The following ZFHX4 variants were observed in gnomAD, a reference collection of about 807,000 sequenced individuals.
The protein encoded by ZFHX4 is zinc finger homeobox protein 4.
Under a neutral mutation model 267.6 loss-of-function variants are expected in ZFHX4, and 56 were observed. The observed-to-expected ratio is 0.21, with a 90% CI of 0.17 to 0.26. The LOEUF (loss-of-function observed/expected upper bound fraction) is 0.26. ZFHX4 is among the 10% of genes least tolerant of loss of function. The pLI is 1.00. For synonymous variants in ZFHX4, 1,778 were observed against 1,665.6 expected (o/e 1.07, Z -1.64); for missense variants, 4,332 against 4,420.0 (o/e 0.98, Z 0.56).
chr8:76,787,672 G>A (rs967455435), intron 4 of ZFHX4, among the ~76,000 whole-genome samples: 1 of 150,918 alleles, frequency 6.6e-6, no homozygotes, highest in African/African-American at 2.4e-5. Context: ...AATTAGCCGG[G>A]CATGGTGGCG....
rs748905989 is a variant in ZFHX4, at chr8:76,705,598, A to C, written c.1510A>C (p.Asn504His). The C allele has an allele frequency of 6.2e-7, 1 of 1,613,828 alleles. No homozygotes were observed. Among genetic ancestry groups the C allele is most frequent in the Non-Finnish European group, 8.5e-7 (1 of 1,179,790 alleles). The change falls in exon 2 of 11, where the codon AAC (asparagine) becomes CAC (histidine). Residue 504 changes from asparagine (N) to histidine (H), a missense_variant. Around this residue, in one of 7 missense-constraint regions of ZFHX4, gnomAD observed 1,195 missense variants for 1,173.6 expected, o/e 1.02. Transcript: ENST00000651372. The stretch of plus-strand genomic sequence containing the variant: ...TGGTAACAAAGATTTCCCTCTCTTA[A>C]ACCAAAGCATTTCTCCTTTATCATC... ...SIGNKDFPLL[N>H]QSISPLSSSV...
chr8:76,736,456 TA>T (rs1809163440), intron 3 of ZFHX4, among the ~76,000 whole-genome samples: 1 of 152,178 alleles, frequency 6.6e-6, no homozygotes, highest in South Asian at 2.1e-4. Flanking sequence ...AGAAAACATT[TA>T]TTATGGTGAA....
chr8:76,805,561 A>G (rs1285061970), intron 4 of ZFHX4, among the ~76,000 whole-genome samples: 2 of 149,160 alleles, frequency 1.3e-5, no homozygotes, highest in Non-Finnish European at 3.0e-5. Flanking sequence ...AATACTTGGC[A>G]TTTGTCCTTG....
intron 4 of ZFHX4, among the ~76,000 whole-genome samples, chr8:76,784,982 G>C (rs1585942159): frequency 6.6e-6 from 1 of 151,904 alleles, no homozygotes; most frequent in Non-Finnish European, 1.5e-5. Context: ...ATATTAATTA[G>C]ATCTCTTCAT....
chr8:76,788,476 C>G (rs1411226446), intron 4 of ZFHX4, among the ~76,000 whole-genome samples: 1 of 152,192 alleles, frequency 6.6e-6, no homozygotes, highest in Non-Finnish European at 1.5e-5. Context: ...TCTTGGCTCT[C>G]AGTCCAGATT....
chr8:76,783,445 A>C (rs948710244), intron 4 of ZFHX4, among the ~76,000 whole-genome samples: 1 of 152,050 alleles, frequency 6.6e-6, no homozygotes, highest in Non-Finnish European at 1.5e-5. Context: ...TTGAACATAC[A>C]CTTTTGAAGA....
At chr8:76,703,163 T>C (rs559052040) in intron 1 of ZFHX4, among the ~76,000 whole-genome samples, 7 of 152,236 alleles carry the variant, frequency 4.6e-5, no homozygotes, top group South Asian at 2.1e-4. Context: ...AGGATTTTCA[T>C]TGGGAGTGCT....
At chr8:76,689,291 G>A (rs1451507139) in intron 1 of ZFHX4, among the ~76,000 whole-genome samples, 6 of 152,068 alleles carry the variant, frequency 3.9e-5, no homozygotes, top group Non-Finnish European at 5.9e-5. Flanking sequence ...TGTTGTAACT[G>A]GCAGTTTTCC....
chr8:76,708,170 G>A, intron 3 of ZFHX4, 122 bp downstream of exon 3: 3 of 1,218,724 alleles, frequency 2.5e-6, no homozygotes, highest in East Asian at 2.4e-5. Context: ...AAGGGCAGGG[G>A]GCACAGTTTC....
Position 76,707,645 on chromosome 8 carries a change from G to C in ZFHX4, c.2690G>C (p.Ser897Thr). The C allele has an allele frequency of 6.2e-7, 1 of 1,613,848 alleles. No individual in the cohort carries two copies. The highest frequency in any genetic ancestry group is 8.5e-7 in the Non-Finnish European group (1 of 1,179,892). Residue 897 changes from serine (S) to threonine (T), a missense_variant, in exon 3 of 11, where the codon AGT becomes ACT. Transcript: ENST00000651372. ...GCAGGAGAGCTGTCACCTTATATCA[G>C]TGACCCAGCGCTGAAGCTATTCCAG... ...LTAGELSPYI[S>T]DPALKLFQCA...
At chr8:76,818,568 A>G (rs1474648618) in intron 4 of ZFHX4, among the ~76,000 whole-genome samples, 1 of 152,076 alleles carries the variant, frequency 6.6e-6, no homozygotes, top group African/African-American at 2.4e-5. Context: ...CAGTCAACAT[A>G]CTGGGAGGCT....
chr8:76,792,669 T>G (rs1010828188), intron 4 of ZFHX4, among the ~76,000 whole-genome samples: 1 of 152,190 alleles, frequency 6.6e-6, no homozygotes, highest in Non-Finnish European at 1.5e-5. Flanking sequence ...CTGATGCAGA[T>G]TTCTTCTTCA....
At chr8:76,828,358 G>A (rs755883472) in intron 4 of ZFHX4, among the ~76,000 whole-genome samples, 5 of 152,080 alleles carry the variant, frequency 3.3e-5, no homozygotes, top group Admixed American at 1.3e-4. Flanking sequence ...CTGTCCAGCG[G>A]GGAGGTACAG....
At chr8:76,859,568 T>C (rs1442641453) in intron 10 of ZFHX4, among the ~76,000 whole-genome samples, 1 of 152,154 alleles carries the variant, frequency 6.6e-6, no homozygotes, top group Non-Finnish European at 1.5e-5. Flanking sequence ...TTATTTACTT[T>C]ATCATTTTAA....
At chr8:76,819,687 A>G (rs190533090) in intron 4 of ZFHX4, among the ~76,000 whole-genome samples, 1 of 152,234 alleles carries the variant, frequency 6.6e-6, no homozygotes, top group African/African-American at 2.4e-5. Context: ...GTATTGTGCA[A>G]CCGTTTCACG....
intron 4 of ZFHX4, among the ~76,000 whole-genome samples, chr8:76,780,705 C>G (rs1420367394): frequency 6.6e-6 from 1 of 152,014 alleles, no homozygotes; most frequent in Non-Finnish European, 1.5e-5. Flanking sequence ...ATGAGTTTAA[C>G]AAATACATTT....
chr8:76,781,457 A>T (rs149338505), intron 4 of ZFHX4, among the ~76,000 whole-genome samples: 1 of 152,102 alleles, frequency 6.6e-6, no homozygotes, highest in Non-Finnish European at 1.5e-5. Flanking sequence ...ACGACAAAAC[A>T]ACCAATCATC....
intron 3 of ZFHX4, among the ~76,000 whole-genome samples, chr8:76,741,899 A>C (rs1809327175): frequency 6.6e-6 from 1 of 152,204 alleles, no homozygotes; most frequent in Admixed American, 6.5e-5. Context: ...CAGGAGCAGA[A>C]AAGTTTCTGA....
chr8:76,744,261 G>A (rs1392554634), intron 3 of ZFHX4, among the ~76,000 whole-genome samples: 1 of 151,958 alleles, frequency 6.6e-6, no homozygotes, highest in African/African-American at 2.4e-5. Context: ...CAGGAGAATC[G>A]CTTGAACCCA....
Sources: gnomAD v4.1 joint callset for allele counts (sites outside exome capture counted in the v4.1 genomes callset) on GRCh38, gnomAD v4.1.1 for gene constraint, gnomAD v4.1.1 regional missense constraint, MANE v1.5 for transcripts, NCBI Gene and HGNC (gene_info 2026-07-23, HGNC 2026-07-21) for gene names.